Variants in FRMD5 observed in about 807,000 individuals in gnomAD.
FRMD5 encodes the protein FERM domain-containing protein 5.
In FRMD5, 20 loss-of-function variants were observed where a neutral mutation model predicts 69.0. The ratio of observed to expected loss-of-function variants is 0.29; its 90% CI spans 0.20 to 0.42. The LOEUF is 0.42. FRMD5 is among the 10% of genes least tolerant of loss of function. The pLI, the probability that FRMD5 is intolerant of heterozygous loss-of-function variation, is 1.00. For synonymous variants in FRMD5, 271 were observed against 260.1 expected (o/e 1.04, Z -0.40); for missense variants, 595 against 708.6 (o/e 0.84, Z 1.82).
At chr15:43,914,145 A>G (rs1023732185) in intron 4 of FRMD5, among the ~76,000 whole-genome samples, 20 of 152,302 alleles carry the variant, frequency 1.3e-4, no homozygotes, top group Middle Eastern at 3.4e-3. Context: ...ACATCTCTCC[A>G]GGGTATTGGC....
At chr15:44,197,920 G>T (rs1049771837), upstream of FRMD5, among the ~76,000 whole-genome samples, 2 of 152,162 alleles carry the variant, frequency 1.3e-5, no homozygotes, top group Admixed American at 1.3e-4. Flanking sequence ...ACTGAATGCA[G>T]TCTTTTTTCG....
At chr15:43,987,741 G>T (rs1456189211) in intron 1 of FRMD5, among the ~76,000 whole-genome samples, 2 of 151,900 alleles carry the variant, frequency 1.3e-5, no homozygotes, top group African/African-American at 4.8e-5. Context: ...GTAGAGATGG[G>T]GTTTCACCAT....
intron 1 of FRMD5, among the ~76,000 whole-genome samples, chr15:44,040,897 CA>C (rs1223174416): frequency 6.8e-6 from 1 of 147,710 alleles, no homozygotes; most frequent in Non-Finnish European, 1.5e-5. Flanking sequence ...CAAGACCCAT[CA>C]GTGTGCTGTA....
chr15:44,009,622 T>C lies in FRMD5; in HGVS notation c.103-85313A>G, dbSNP rs527732394. Among the ~76,000 whole-genome samples the C allele has an allele frequency of 7.2e-5, 11 of 152,250 alleles. No homozygotes were observed. The East Asian group carries it at 1.9e-3, about 27-fold the overall frequency. Reference sequence around the variant, plus strand: ...TGAGCCTGGGAAGTCGAGGCTGCGGTGAGCCGTGATTGTGCCACTGCACTC... The same window carrying C: ...TGAGCCTGGGAAGTCGAGGCTGCGGCGAGCCGTGATTGTGCCACTGCACTC... On this transcript the variant is annotated intron_variant, in intron 1 of 13. Transcript: ENST00000417257.
intron 1 of FRMD5, among the ~76,000 whole-genome samples, chr15:44,030,567 T>C (rs1403784966): frequency 6.6e-6 from 1 of 152,208 alleles, no homozygotes; most frequent in African/African-American, 2.4e-5. Flanking sequence ...TCAAGCTTAA[T>C]GGAAACAAAA....
rs147117172 is a variant in FRMD5, at chr15:43,934,868, G to A, written c.103-10559C>T. Among the ~76,000 whole-genome samples the A allele has an allele frequency of 1.2e-4, 18 of 152,372 alleles. No individual in the cohort carries two copies. The East Asian group carries it at 3.5e-3, about 29-fold the overall frequency. On this transcript the variant is annotated intron_variant, in intron 1 of 13. Transcript: ENST00000417257. ...GGATTTCTATATGCGAGGGCTTTAG[G>A]CGTGACAGTCTGGCTGGGGTGAGGG...
chr15:44,134,596 G>T (rs745455289), intron 1 of FRMD5, among the ~76,000 whole-genome samples: 3 of 152,066 alleles, frequency 2.0e-5, no homozygotes, highest in African/African-American at 7.2e-5. Context: ...TTACAGGCGC[G>T]CGCCACTATC....
intron 4 of FRMD5, among the ~76,000 whole-genome samples, chr15:43,917,399 A>G (rs1049830164): frequency 1.3e-5 from 2 of 151,348 alleles, no homozygotes; most frequent in African/African-American, 2.4e-5. Flanking sequence ...CTTGAAAAAA[A>G]TTTTTTTTTG....
At chr15:44,089,694 T>C (rs896966868) in intron 1 of FRMD5, among the ~76,000 whole-genome samples, 17 of 151,904 alleles carry the variant, frequency 1.1e-4, no homozygotes, top group Non-Finnish European at 1.8e-4. Flanking sequence ...CAGAGCCAGA[T>C]CCTACGTCAA....
chr15:44,048,625 T>A (rs1438917535), intron 1 of FRMD5, among the ~76,000 whole-genome samples: 1 of 152,068 alleles, frequency 6.6e-6, no homozygotes, highest in Non-Finnish European at 1.5e-5. Context: ...CAGGCTGGAG[T>A]GCAGTGGTGT....
At chr15:44,188,234 G>T (rs1261724399) in intron 1 of FRMD5, among the ~76,000 whole-genome samples, 1 of 152,108 alleles carries the variant, frequency 6.6e-6, no homozygotes. Flanking sequence ...GTATAATGAC[G>T]CACTGCAGAA....
At chr15:43,947,478 G>C (rs1245031839) in intron 1 of FRMD5, among the ~76,000 whole-genome samples, 1 of 152,110 alleles carries the variant, frequency 6.6e-6, no homozygotes, top group Admixed American at 6.5e-5. Flanking sequence ...ATTTACAAAA[G>C]AAAATCCATT....
chr15:44,183,179 G>C (rs1297188296), intron 1 of FRMD5, among the ~76,000 whole-genome samples: 3 of 152,066 alleles, frequency 2.0e-5, no homozygotes, highest in Admixed American at 1.3e-4. Context: ...GTCTACCCTG[G>C]AACAAGAAGG....
At chr15:44,018,426 T>G (rs1017972067) in intron 1 of FRMD5, among the ~76,000 whole-genome samples, 8 of 152,184 alleles carry the variant, frequency 5.3e-5, no homozygotes, top group African/African-American at 1.9e-4. Flanking sequence ...TGAGAAAAAT[T>G]TGATTAAGTT....
intron 7 of FRMD5, among the ~76,000 whole-genome samples, chr15:43,900,909 G>A (rs561680680): frequency 2.6e-5 from 4 of 152,218 alleles, no homozygotes; most frequent in South Asian, 4.1e-4. Context: ...GAGCCACTGC[G>A]CCCGGCATTC....
intron 1 of FRMD5, among the ~76,000 whole-genome samples, chr15:44,002,157 T>C (rs1890242827): frequency 6.6e-6 from 1 of 152,212 alleles, no homozygotes; most frequent in South Asian, 2.1e-4. Context: ...ACCCTTTCTC[T>C]GCCCTGGCCC....
intron 1 of FRMD5, among the ~76,000 whole-genome samples, chr15:44,186,921 G>T (rs1265754875): frequency 6.6e-6 from 1 of 152,150 alleles, no homozygotes; most frequent in African/African-American, 2.4e-5. Context: ...AGCTGTCAGG[G>T]GTTCACTGGG....
rs1004036234 is a variant in FRMD5, at chr15:43,902,091, C to A, written c.639+84G>T. ...CAGCCATGTAAACGTTGAAGGGGGC[C>A]TCTGAGCGCAGGCATGGGGGCTCTT... On this transcript the variant is annotated intron_variant, in intron 7 of 13. Transcript: ENST00000417257. The A allele has an allele frequency of 2.4e-5, 23 of 955,978 alleles. No individual in the cohort carries two copies. The African/African-American group carries it at 3.4e-4, about 14-fold the overall frequency. The allele number at this position is 955,978 out of a possible 1,614,324, so 59.2% of individuals were successfully genotyped here.
intron 1 of FRMD5, among the ~76,000 whole-genome samples, chr15:44,107,618 A>G (rs1208017693): frequency 1.3e-5 from 2 of 152,190 alleles, no homozygotes; most frequent in African/African-American, 4.8e-5. Flanking sequence ...GCTCTCATGA[A>G]GCTGCATGAT....
Sources: gnomAD v4.1 joint callset for allele counts (sites outside exome capture counted in the v4.1 genomes callset) on GRCh38, gnomAD v4.1.1 for gene constraint, MANE v1.5 for transcripts, NCBI Gene and HGNC (gene_info 2026-07-23, HGNC 2026-07-21) for gene names.